Variants in DENND6A observed in about 807,000 individuals in gnomAD.
DENND6A encodes the protein protein DENND6A.
DENND6A carries 43 observed loss-of-function variants against 95.5 expected under a neutral mutation model. That is an observed-to-expected ratio of 0.45 (90% CI 0.35 to 0.58). DENND6A has a LOEUF of 0.58. DENND6A is among the 20% of genes least tolerant of loss of function. DENND6A has a pLI of 0.00. For missense variants in DENND6A, 574 were observed against 736.0 expected (o/e 0.78, Z 2.55); for synonymous variants, 257 against 260.4 (o/e 0.99, Z 0.13).
intron 3 of DENND6A, among the ~76,000 whole-genome samples, chr3:57,668,510 A>T (rs950559651): frequency 3.9e-5 from 6 of 152,216 alleles, no homozygotes; most frequent in Admixed American, 2.0e-4. Flanking sequence ...TAAGGAAAAA[A>T]ACACTGGACA....
Position 57,634,735 on chromosome 3 carries a change from C to A in DENND6A, c.1167G>T (p.Leu389=). Residue 389 remains leucine, a synonymous_variant, in exon 13 of 20, where the codon CTG becomes CTT. Coordinates refer to ENST00000311128, the MANE Select transcript of DENND6A (RefSeq NM_152678.3). Reference sequence around the variant, plus strand: ...TGGAATCCAGAGTCTTTAGATTCTTCAGTTTTTTCACTTTAACCTGCTTAG... The same window carrying A: ...TGGAATCCAGAGTCTTTAGATTCTTAAGTTTTTTCACTTTAACCTGCTTAG... The part of the protein sequence containing the change: ...EIPKQVKVKK[L]KNLKTLDSKP... 6.4e-7 allele frequency: 1 copy of A among 1,571,338 alleles called. No homozygotes were observed.
At chr3:57,642,558 A>G (rs2070969846) in intron 11 of DENND6A, among the ~76,000 whole-genome samples, 1 of 152,136 alleles carries the variant, frequency 6.6e-6, no homozygotes, top group South Asian at 2.1e-4. Context: ...GAGCAAAAGC[A>G]GAAAGGATGA....
At chr3:57,683,527 A>C (rs2077184833) in intron 1 of DENND6A, among the ~76,000 whole-genome samples, 2 of 152,198 alleles carry the variant, frequency 1.3e-5, no homozygotes, top group Non-Finnish European at 2.9e-5. Flanking sequence ...TGTGCATTCC[A>C]CAGGACGGTA....
chr3:57,660,823 A>G lies in DENND6A; in HGVS notation c.636T>C (p.Asp212=). The G allele has an allele frequency of 6.2e-7, 1 of 1,605,522 alleles. No homozygotes were observed. Among genetic ancestry groups the G allele is most frequent in the South Asian group, 1.1e-5 (1 of 89,154 alleles). ...TCCCTGGCACTGGGGCAGGCCATCG[A>G]TCAACATCATTACAAGCTGAAAAAT... is the stretch of plus-strand genomic sequence containing the variant. ...PYLEAACNDV[D]RWPAPVPGKT... The change falls in exon 7 of 20, where the codon GAT becomes GAC. Residue 212 remains aspartate, a synonymous_variant. Transcript: ENST00000311128.
At chr3:57,650,594 T>C (rs2153414420) in intron 9 of DENND6A, among the ~76,000 whole-genome samples, 1 of 152,218 alleles carries the variant, frequency 6.6e-6, no homozygotes, top group East Asian at 1.9e-4. Flanking sequence ...TTTAGAGAAA[T>C]GGCTGGTTCT....
chr3:57,670,297 A>T (rs2071594981), intron 3 of DENND6A, among the ~76,000 whole-genome samples: 1 of 152,148 alleles, frequency 6.6e-6, no homozygotes, highest in Non-Finnish European at 1.5e-5. Flanking sequence ...GCTTCAGAGA[A>T]AAAAAGTAAA....
chr3:57,628,375 A>G (rs750366128), intron 19 of DENND6A, 30 bp from the exon 20 acceptor site: 6 of 1,606,922 alleles, frequency 3.7e-6, no homozygotes, highest in South Asian at 1.1e-5. Context: ...TAACATTTAA[A>G]TTATCCTCAG....
chr3:57,687,020 T>C (rs1435625068), intron 1 of DENND6A, among the ~76,000 whole-genome samples: 1 of 152,154 alleles, frequency 6.6e-6, no homozygotes, highest in East Asian at 1.9e-4. Context: ...GGAAAAGTTC[T>C]TTTTTTCTTT....
intron 5 of DENND6A, 137 bp from the exon 6 acceptor site, chr3:57,661,688 G>A: frequency 1.6e-6 from 1 of 638,486 alleles, no homozygotes; most frequent in Non-Finnish European, 2.6e-6. Flanking sequence ...TAGTTAAAAG[G>A]AAACAAAACC....
At chr3:57,653,538 G>A (rs1285331075) in intron 9 of DENND6A, among the ~76,000 whole-genome samples, 1 of 152,026 alleles carries the variant, frequency 6.6e-6, no homozygotes, top group Non-Finnish European at 1.5e-5. Flanking sequence ...GAGGTCAGGA[G>A]ATCGAGACCA....
Position 57,660,833 on chromosome 3 carries a change from T to G in DENND6A, c.626A>C (p.Asn209Thr), listed in dbSNP as rs755817380. The part of the protein sequence containing the change: ...KNEPYLEAAC[N>T]DVDRWPAPVP... Reference sequence around the variant, plus strand: ...TGGGGCAGGCCATCGATCAACATCATTACAAGCTGAAAAATATAATAAAAT... The same window carrying G: ...TGGGGCAGGCCATCGATCAACATCAGTACAAGCTGAAAAATATAATAAAAT... Residue 209 changes from asparagine (N) to threonine (T), a missense_variant, in exon 7 of 20, where the codon AAT (asparagine) becomes ACT (threonine). Physicochemically the swap from Asn to Thr is moderately conservative, Grantham distance 65. Coordinates refer to ENST00000311128, the MANE Select transcript of DENND6A (RefSeq NM_152678.3). The G allele has an allele frequency of 1.3e-6, 2 of 1,592,770 alleles. No individual in the cohort carries two copies. The highest frequency in any genetic ancestry group is 4.5e-5 in the East Asian group (2 of 44,150).
In DENND6A at chr3:57,660,933, A is replaced by G. The variant is rs2071412166; in HGVS notation, c.620-94T>C. On this transcript the variant is annotated intron_variant, in intron 6 of 19. Transcript: ENST00000311128. ...GAAATAAGAACACTACTTTCCATACAGCAGAAAAAATATACCTGGAAGAAT... is the reference window on the plus strand; with the variant it reads ...GAAATAAGAACACTACTTTCCATACGGCAGAAAAAATATACCTGGAAGAAT... 4 of 1,101,100 alleles carry G rather than the reference A, an allele frequency of 3.6e-6. No individual in the cohort carries two copies. In the Admixed American group the frequency reaches 1.0e-4, roughly 29 times the overall value. 68.2% of individuals were successfully genotyped at this position (1,101,100 alleles called of 1,614,324 possible).
At chr3:57,658,337 T>A (rs2071365589) in intron 8 of DENND6A, among the ~76,000 whole-genome samples, 1 of 151,964 alleles carries the variant, frequency 6.6e-6, no homozygotes. Flanking sequence ...GAGACCAGCC[T>A]GGGTAACAGA....
intron 9 of DENND6A, among the ~76,000 whole-genome samples, chr3:57,649,753 G>T (rs2071160481): frequency 6.6e-6 from 1 of 151,386 alleles, no homozygotes; most frequent in South Asian, 2.1e-4. Context: ...CTTCTGCATG[G>T]ATACCCTCCT....
intron 1 of DENND6A, among the ~76,000 whole-genome samples, chr3:57,675,635 C>T (rs759039486): frequency 1.6e-4 from 25 of 152,120 alleles, no homozygotes; most frequent in African/African-American, 6.0e-4. Flanking sequence ...AAACTCCTGC[C>T]CCACAGCCCC....
chr3:57,645,859 CTTTG>C lies in DENND6A; in HGVS notation c.942-107_942-104del, dbSNP rs897251046. Reference sequence around the variant, plus strand: ...CAAACGGTATACACACAAAGGGATACTTTGTTTATTTTAATAAATGGTAAACTCA... The same window carrying C: ...CAAACGGTATACACACAAAGGGATACTTTATTTTAATAAATGGTAAACTCA... On this transcript the variant is annotated intron_variant, in intron 10 of 19. Coordinates refer to ENST00000311128, the MANE Select transcript of DENND6A (RefSeq NM_152678.3). 19 of 735,266 alleles carry C rather than the reference CTTTG, an allele frequency of 2.6e-5. No homozygotes were observed. The African/African-American group carries it at 3.3e-4, about 13-fold the overall frequency. The allele number at this position is 735,266 out of a possible 1,614,324, so 45.5% of individuals were successfully genotyped here.
intron 4 of DENND6A, among the ~76,000 whole-genome samples, chr3:57,664,162 A>G (rs1228921304): frequency 6.6e-6 from 1 of 152,200 alleles, no homozygotes; most frequent in Non-Finnish European, 1.5e-5. Flanking sequence ...TTCTACCTAC[A>G]ATTTTGAGAT....
intron 3 of DENND6A, among the ~76,000 whole-genome samples, chr3:57,666,811 A>C (rs1448681656): frequency 6.6e-6 from 1 of 152,220 alleles, no homozygotes; most frequent in Non-Finnish European, 1.5e-5. Context: ...ACACTCAAAG[A>C]CACTAAAATA....
chr3:57,663,463 C>CAAAAAAAAA (rs1189672713), intron 5 of DENND6A, among the ~76,000 whole-genome samples, 173 bp downstream of exon 5: 3 of 51,948 alleles, frequency 5.8e-5, no homozygotes, highest in Non-Finnish European at 7.9e-5. Context: ...GACTCCACCT[C>CAAAAAAAAA]AAAAAAAAAA....
Sources: allele counts gnomAD v4.1 joint callset (sites outside exome capture counted in the v4.1 genomes callset), GRCh38; gene constraint gnomAD v4.1.1; transcripts MANE v1.5; gene names NCBI Gene and HGNC (gene_info 2026-07-23, HGNC 2026-07-21).